PTPRA: variants seen among roughly 807,000 people sequenced by gnomAD.
PTPRA encodes receptor-type tyrosine-protein phosphatase alpha.
PTPRA carries 25 observed loss-of-function variants against 104.8 expected under a neutral mutation model. That is an observed-to-expected ratio of 0.24 (90% CI 0.17 to 0.33). PTPRA has a LOEUF of 0.33. PTPRA is among the 10% of genes least tolerant of loss of function. PTPRA has a pLI of 1.00. For synonymous variants in PTPRA, 323 were observed against 368.9 expected (o/e 0.88, Z 1.43); for missense variants, 765 against 1,015.3 (o/e 0.75, Z 3.35).
intron 1 of PTPRA, among the ~76,000 whole-genome samples, chr20:2,901,382 G>A (rs1034360573): frequency 6.6e-6 from 1 of 152,156 alleles, no homozygotes; most frequent in African/African-American, 2.4e-5. Flanking sequence ...GTAGCTGAAG[G>A]GAGGATATGT....
Position 2,988,426 on chromosome 20 carries a change from T to A in PTPRA, c.690T>A (p.Ile230=). The A allele has an allele frequency of 6.2e-7, 1 of 1,612,862 alleles. No homozygotes were observed. Among genetic ancestry groups the A allele is most frequent in the Non-Finnish European group, 8.5e-7 (1 of 1,179,794 alleles). Residue 230 remains isoleucine (I), a synonymous_variant, in exon 9 of 24, where the codon ATT becomes ATA. Coordinates refer to ENST00000399903, the MANE Select transcript of PTPRA (RefSeq NM_001385305.1). ...CCGTGGACAAGCTGGAAGAGGAAATTAACCGGAGAATGGCAGACGACAATA... is the reference window on the plus strand; with the variant it reads ...CCGTGGACAAGCTGGAAGAGGAAATAAACCGGAGAATGGCAGACGACAATA... ...PLPVDKLEEE[I]NRRMADDNKL...
intron 1 of PTPRA, among the ~76,000 whole-genome samples, chr20:2,908,215 C>G (rs558138092): frequency 6.6e-6 from 1 of 152,094 alleles, no homozygotes; most frequent in South Asian, 2.1e-4. Flanking sequence ...ATCGGAAATA[C>G]TGTGATCGGT....
chr20:2,934,703 C>G (rs886432337), intron 2 of PTPRA, among the ~76,000 whole-genome samples: 4 of 132,636 alleles, frequency 3.0e-5, no homozygotes, highest in Non-Finnish European at 6.2e-5. Context: ...GATGGAGTCT[C>G]GCTCTGTCAC....
intron 9 of PTPRA, among the ~76,000 whole-genome samples, chr20:2,993,103 A>G (rs1208209839): frequency 7.5e-6 from 1 of 133,632 alleles, no homozygotes; most frequent in Non-Finnish European, 1.5e-5. Flanking sequence ...AGGTAGGTAG[A>G]TTGATTGATT....
chr20:2,948,923 G>A (rs913875385), intron 3 of PTPRA, among the ~76,000 whole-genome samples: 3 of 152,008 alleles, frequency 2.0e-5, no homozygotes, highest in Non-Finnish European at 1.5e-5. Flanking sequence ...CTGCACTCCA[G>A]CCTGGGTGAC....
chr20:2,890,095 A>T (rs367743478), intron 1 of PTPRA, among the ~76,000 whole-genome samples: 14 of 147,806 alleles, frequency 9.5e-5, no homozygotes, highest in South Asian at 4.3e-4. Flanking sequence ...ATGAGGCCTC[A>T]CTATGAGCCT....
chr20:2,985,294 C>T (rs766725385), intron 6 of PTPRA, among the ~76,000 whole-genome samples: 7 of 152,126 alleles, frequency 4.6e-5, no homozygotes, highest in African/African-American at 7.2e-5. Context: ...TTAGACAAGA[C>T]GAATTAGACA....
intron 6 of PTPRA, among the ~76,000 whole-genome samples, chr20:2,977,349 C>G (rs1415631942): frequency 6.6e-6 from 1 of 150,444 alleles, no homozygotes; most frequent in Non-Finnish European, 1.5e-5. Flanking sequence ...CCTTGAGCTA[C>G]TACTTAAGTC....
intron 6 of PTPRA, among the ~76,000 whole-genome samples, chr20:2,978,496 G>A (rs1222553017): frequency 6.6e-6 from 1 of 152,196 alleles, no homozygotes; most frequent in Non-Finnish European, 1.5e-5. Context: ...TTACTGACTA[G>A]TTTGTAGTTG....
At chr20:2,987,650 C>G (rs2062963657) in intron 7 of PTPRA, among the ~76,000 whole-genome samples, 1 of 152,154 alleles carries the variant, frequency 6.6e-6, no homozygotes, top group Non-Finnish European at 1.5e-5. Context: ...CTGGGCTTCT[C>G]CCTGGGTCTC....
chr20:2,975,485 A>G (rs1333126337), intron 6 of PTPRA, among the ~76,000 whole-genome samples: 1 of 152,244 alleles, frequency 6.6e-6, no homozygotes, highest in Non-Finnish European at 1.5e-5. Flanking sequence ...AAGTAACAAA[A>G]TATATCTTAC....
At chr20:2,959,046 G>A (rs192168689) in intron 3 of PTPRA, among the ~76,000 whole-genome samples, 86 of 152,144 alleles carry the variant, frequency 5.7e-4, no homozygotes, top group African/African-American at 1.9e-3. Context: ...ATGGGGGGTC[G>A]GGAAGTCACA....
intron 5 of PTPRA, among the ~76,000 whole-genome samples, chr20:2,970,290 G>T (rs1409449265): frequency 1.3e-5 from 2 of 152,238 alleles, no homozygotes; most frequent in East Asian, 1.9e-4. Flanking sequence ...TAAATTTATG[G>T]ATATTGCCAC....
rs767735778 is a variant in PTPRA at position 3,022,248 on chromosome 20, C to A, written c.1328+28C>A. 1 of 1,610,650 alleles carries A rather than the reference C, an allele frequency of 6.2e-7. No homozygotes were observed. The highest frequency in any genetic ancestry group is 8.5e-7 in the Non-Finnish European group (1 of 1,177,622). Reference sequence around the variant, plus strand: ...CAGTGTGGCCTGACCCTTGTACCCCCACCCCCACATTTCGCCCCCATGGCC... The same window carrying A: ...CAGTGTGGCCTGACCCTTGTACCCCAACCCCCACATTTCGCCCCCATGGCC... On this transcript the variant is annotated intron_variant, in intron 15 of 23. Coordinates refer to ENST00000399903, the MANE Select transcript of PTPRA (RefSeq NM_001385305.1). The surrounding 1 kb of genome is among the most constrained non-coding windows in gnomAD (Gnocchi z 4.6).
In PTPRA at chr20:2,950,739, A is replaced by G. The variant is rs2061326837; in HGVS notation, c.-7+2715A>G. The stretch of plus-strand genomic sequence containing the variant: ...CTTTGTTTCATTTTTATTATACAAT[A>G]AAATGAAATTCTTTTCATTGTATTT... On this transcript the variant is annotated intron_variant, in intron 3 of 23. Transcript: ENST00000399903. The surrounding 1 kb of genome is among the most constrained non-coding windows in gnomAD (Gnocchi z 4.0). Among the ~76,000 whole-genome samples, 1 of 152,210 alleles carries G rather than the reference A, an allele frequency of 6.6e-6. No homozygotes were observed. Among genetic ancestry groups the G allele is most frequent in the Admixed American group, 6.5e-5 (1 of 15,278 alleles).
At chr20:2,886,980 G>A (rs569892736) in intron 1 of PTPRA, among the ~76,000 whole-genome samples, 1 of 152,082 alleles carries the variant, frequency 6.6e-6, no homozygotes, top group African/African-American at 2.4e-5. Flanking sequence ...GGAAATATTT[G>A]TATAATGGGG....
intron 1 of PTPRA, among the ~76,000 whole-genome samples, chr20:2,883,660 A>G (rs2090197230): frequency 4.4e-5 from 1 of 22,626 alleles, no homozygotes; most frequent in Non-Finnish European, 6.2e-5. Flanking sequence ...TCAAAAAAAA[A>G]AAAAAAAAAA....
Position 2,975,796 on chromosome 20 carries a change from T to C in PTPRA, c.442+555T>C, listed in dbSNP as rs149945835. Among the ~76,000 whole-genome samples the C allele has an allele frequency of 5.3e-3, 814 of 152,268 alleles. 12 individuals carry two copies. The highest frequency in any genetic ancestry group is 0.029 in the South Asian group (140 of 4,832). On this transcript the variant is annotated intron_variant, in intron 6 of 23. Transcript: ENST00000399903. ...ACTTGTCTGCAGAAGTGTGGCACAT[T>C]TTGCCTAGAATGACAGTAAGGCTGC... is the stretch of plus-strand genomic sequence containing the variant.
chr20:3,012,661 G>C (rs1451804792), intron 11 of PTPRA, among the ~76,000 whole-genome samples: 1 of 152,268 alleles, frequency 6.6e-6, no homozygotes, highest in African/African-American at 2.4e-5. Context: ...GCAGATTAGA[G>C]ATCAGTGGGA....
Sources: gnomAD v4.1 joint callset for allele counts (sites outside exome capture counted in the v4.1 genomes callset) on GRCh38, gnomAD v4.1.1 for gene constraint, Gnocchi (gnomAD v3.1) non-coding constraint, MANE v1.5 for transcripts, NCBI Gene and HGNC (gene_info 2026-07-23, HGNC 2026-07-21) for gene names.